The following ADAM22 variants were observed in gnomAD, a reference collection of about 807,000 sequenced individuals.
ADAM22 encodes ADAM metallopeptidase domain 22.
A neutral mutation model predicts 144.6 loss-of-function variants in ADAM22; 65 were observed. That is an observed-to-expected ratio of 0.45 (90% CI 0.37 to 0.55). The LOEUF is 0.55. Among genes scored for constraint, ADAM22 ranks in the 20% least tolerant of loss-of-function variants. The pLI is 0.00. For missense variants in ADAM22, 974 were observed against 1,184.9 expected (o/e 0.82, Z 2.61); for synonymous variants, 391 against 412.6 (o/e 0.95, Z 0.63).
intron 2 of ADAM22, among the ~76,000 whole-genome samples, chr7:87,936,137 CTT>C (rs1841204011): frequency 6.6e-6 from 1 of 151,484 alleles, no homozygotes; most frequent in African/African-American, 2.5e-5. Context: ...ATTATACTAA[CTT>C]ATCTGTATGT....
intron 3 of ADAM22, among the ~76,000 whole-genome samples, chr7:88,040,171 AC>A (rs1802754545): frequency 1.3e-5 from 2 of 151,712 alleles, no homozygotes; most frequent in Admixed American, 1.3e-4. Flanking sequence ...TTGCTCTGTC[AC>A]CCAGGCTGAA....
At chr7:87,997,873 G>A (rs1791601216) in intron 3 of ADAM22, among the ~76,000 whole-genome samples, 1 of 152,150 alleles carries the variant, frequency 6.6e-6, no homozygotes, top group Non-Finnish European at 1.5e-5. Flanking sequence ...AAGGAGTATT[G>A]ACTCACACAA....
At chr7:88,143,850 G>A (rs552453531) in intron 15 of ADAM22, among the ~76,000 whole-genome samples, 2 of 152,338 alleles carry the variant, frequency 1.3e-5, no homozygotes, top group South Asian at 2.1e-4. Context: ...TTTAGAAAAT[G>A]TATCATACTG....
rs1851255641 is a variant in ADAM22, at chr7:88,202,271, A to G, written c.*5780A>G. 6.6e-6 allele frequency: 1 copy of G among 152,098 alleles called. No homozygotes were observed. The highest frequency in any genetic ancestry group is 6.6e-5 in the Admixed American group (1 of 15,258). 9.4% of individuals were successfully genotyped at this position (152,098 alleles called of 1,614,324 possible). On this transcript the variant is annotated 3_prime_UTR_variant, in exon 32 of 32. Coordinates refer to ENST00000413139, the MANE Select transcript of ADAM22 (RefSeq NM_001324418.2). ...TGCTTTAAAAAAAGGCTTATTCAGG[A>G]TAGATAAGCATGTACTCCTTTTTTA...
chr7:87,960,291 A>G (rs1427848066), intron 2 of ADAM22, among the ~76,000 whole-genome samples: 1 of 152,166 alleles, frequency 6.6e-6, no homozygotes, highest in Non-Finnish European at 1.5e-5. Context: ...TTTAAGCATC[A>G]TATGTTCACT....
chr7:88,011,494 C>T (rs957332276), intron 3 of ADAM22, among the ~76,000 whole-genome samples: 4 of 150,418 alleles, frequency 2.7e-5, no homozygotes, highest in Non-Finnish European at 5.9e-5. Flanking sequence ...GAGCCGAGAT[C>T]GCACCACTGC....
chr7:88,113,645 T>C (rs1336798278), intron 5 of ADAM22, among the ~76,000 whole-genome samples: 1 of 133,408 alleles, frequency 7.5e-6, no homozygotes, highest in African/African-American at 3.0e-5. Flanking sequence ...CTGTCATATG[T>C]ATGTGTATGT....
At chr7:88,087,910 T>C (rs907732365) in intron 4 of ADAM22, among the ~76,000 whole-genome samples, 5 of 152,214 alleles carry the variant, frequency 3.3e-5, no homozygotes, top group African/African-American at 9.6e-5. Context: ...TTTGATTGAA[T>C]TGAGTGCACT....
intron 27 of ADAM22, among the ~76,000 whole-genome samples, chr7:88,179,677 T>G (rs1232887707): frequency 6.6e-6 from 1 of 152,050 alleles, no homozygotes; most frequent in Non-Finnish European, 1.5e-5. Context: ...ATTATTTATG[T>G]CTTAGACACT....
At chr7:88,083,354 G>A (rs1282906205) in intron 4 of ADAM22, among the ~76,000 whole-genome samples, 1 of 152,034 alleles carries the variant, frequency 6.6e-6, no homozygotes, top group Non-Finnish European at 1.5e-5. Flanking sequence ...GGGGGACTGG[G>A]GGAGGGATAG....
chr7:88,191,237 A>T (rs1253008452), intron 30 of ADAM22, among the ~76,000 whole-genome samples: 1 of 152,246 alleles, frequency 6.6e-6, no homozygotes, highest in African/African-American at 2.4e-5. Flanking sequence ...CTGGACCTTC[A>T]GCACCCCTCA....
intron 8 of ADAM22, among the ~76,000 whole-genome samples, 179 bp downstream of exon 8, chr7:88,125,838 C>T (rs1484015486): frequency 6.6e-6 from 1 of 151,906 alleles, no homozygotes; most frequent in East Asian, 1.9e-4. Flanking sequence ...TGTTGTTTCA[C>T]AGATGCAAAA....
At chr7:88,027,396 G>A (rs562974288) in intron 3 of ADAM22, among the ~76,000 whole-genome samples, 4 of 152,136 alleles carry the variant, frequency 2.6e-5, no homozygotes, top group Admixed American at 2.6e-4. Context: ...TTTAATTACA[G>A]TTTTGATCTC....
chr7:88,137,351 A>G (rs1263199884), intron 14 of ADAM22, among the ~76,000 whole-genome samples: 1 of 152,206 alleles, frequency 6.6e-6, no homozygotes, highest in South Asian at 2.1e-4. Context: ...TTAGATGCCC[A>G]TAATCTTTCT....
intron 5 of ADAM22, 51 bp downstream of exon 5, chr7:88,108,309 T>C (rs774588981): frequency 6.8e-7 from 1 of 1,475,346 alleles, no homozygotes; most frequent in Non-Finnish European, 9.4e-7. Context: ...ATAATTTATT[T>C]TCTTTATTAT....
intron 2 of ADAM22, among the ~76,000 whole-genome samples, chr7:87,946,405 T>C (rs1054097660): frequency 2.0e-5 from 3 of 152,214 alleles, no homozygotes; most frequent in Non-Finnish European, 4.4e-5. Context: ...AATTTTGTTT[T>C]TGTTGCAATT....
chr7:88,060,000 T>C (rs1809334257), intron 3 of ADAM22, among the ~76,000 whole-genome samples: 1 of 151,960 alleles, frequency 6.6e-6, no homozygotes, highest in Non-Finnish European at 1.5e-5. Flanking sequence ...ACCCCATGAA[T>C]CTAAAAAAAA....
intron 4 of ADAM22, among the ~76,000 whole-genome samples, chr7:88,088,655 C>T (rs77534830): frequency 0.025 from 3,731 of 152,188 alleles, 73 homozygotes; most frequent in Middle Eastern, 0.058. Context: ...AAATTTCTTG[C>T]GATCTCAAAT....
At chr7:87,947,252 G>T (rs567941722) in intron 2 of ADAM22, among the ~76,000 whole-genome samples, 3 of 151,062 alleles carry the variant, frequency 2.0e-5, no homozygotes, top group Admixed American at 2.0e-4. Flanking sequence ...TTGATTCAGG[G>T]CTACAAAAAT....
Sources: gnomAD v4.1 joint callset for allele counts (sites outside exome capture counted in the v4.1 genomes callset) on GRCh38, gnomAD v4.1.1 for gene constraint, MANE v1.5 for transcripts, NCBI Gene and HGNC (gene_info 2026-07-23, HGNC 2026-07-21) for gene names.